Variants in ZDHHC11B observed in about 807,000 individuals in gnomAD.
ZDHHC11B encodes probable palmitoyltransferase ZDHHC11B.
In ZDHHC11B, 17 loss-of-function variants were observed where a neutral mutation model predicts 42.3. That is an observed-to-expected ratio of 0.40 (90% CI 0.27 to 0.60). ZDHHC11B has a LOEUF of 0.60. Among genes scored for constraint, ZDHHC11B ranks in the 20% least tolerant of loss-of-function variants. The pLI is 0.41. For missense variants in ZDHHC11B, 262 were observed against 463.2 expected (o/e 0.57, Z 3.99); for synonymous variants, 123 against 193.5 (o/e 0.64, Z 3.02).
At chr5:727,362 C>G (rs574874166) in intron 12 of ZDHHC11B, among the ~76,000 whole-genome samples, 1 of 146,498 alleles carries the variant, frequency 6.8e-6, no homozygotes, top group Non-Finnish European at 1.5e-5. Context: ...GCCAGGGAAA[C>G]GCTATCGGCC....
chr5:757,854 C>T (rs141900364), intron 4 of ZDHHC11B, among the ~76,000 whole-genome samples: 1 of 151,958 alleles, frequency 6.6e-6, no homozygotes, highest in African/African-American at 2.4e-5. Flanking sequence ...AGTGCAGCAA[C>T]GGGGCCAGCC....
rs937594012 is a variant in ZDHHC11B at position 769,706 on chromosome 5, C to T, written c.-229-776G>A. ...AACAAAGTGCCCCTGACGGGCTGGA[C>T]AGGCCTAGTGCGCGCCATCCTTCAA... On this transcript the variant is annotated intron_variant, in intron 1 of 13. Transcript: ENST00000508859. Among the ~76,000 whole-genome samples the T allele has an allele frequency of 1.3e-4, 19 of 151,982 alleles. 1 individual carries two copies. The highest frequency in any genetic ancestry group is 2.8e-4 in the Non-Finnish European group (19 of 67,942).
chr5:741,419 T>C (rs1202677819), intron 10 of ZDHHC11B, among the ~76,000 whole-genome samples, 175 bp downstream of exon 10: 1 of 146,448 alleles, frequency 6.8e-6, no homozygotes. Context: ...TCGAGATAGA[T>C]AATTTGGTAT....
rs537442727 is a variant in ZDHHC11B, at chr5:761,257, G to A, written c.223-5113C>T. ...GGGCATGTGCTAGAGCAGGGAGGTG[G>A]GCCGTGCAGCACAGGGTTAGTGACT... On this transcript the variant is annotated intron_variant, in intron 4 of 13. Transcript: ENST00000508859. Among the ~76,000 whole-genome samples, 543 of 151,912 alleles carry A rather than the reference G, an allele frequency of 3.6e-3. 3 individuals carry two copies. Among genetic ancestry groups the A allele is most frequent in the Middle Eastern group, 0.02 (6 of 294 alleles).
At position 748,379 on chromosome 5, in the gene ZDHHC11B, C is replaced by T. The variant is rs146590679; in HGVS notation, c.784+25G>A. 0.012 allele frequency: 15,097 copies of T among 1,259,964 alleles called. 1,511 individuals carry two copies. In the African/African-American group the frequency reaches 0.19, roughly 16 times the overall value. The allele number at this position is 1,259,964 out of a possible 1,614,324, so 78.0% of individuals were successfully genotyped here. A position where few individuals can be genotyped will look rare whatever the true frequency, so the allele number is the denominator to read the frequency against. On this transcript the variant is annotated intron_variant, in intron 8 of 13. Transcript: ENST00000508859. ...TCTGACCAACCAGGCTTGGGGGGAT[C>T]GGGGGCTTAGGGTGGGGGACATACT...
At chr5:777,093 G>A (rs1472704018) in intron 1 of ZDHHC11B, among the ~76,000 whole-genome samples, 1 of 151,942 alleles carries the variant, frequency 6.6e-6, no homozygotes, top group African/African-American at 2.4e-5. Context: ...GAGCCCCGCA[G>A]TGAGTGTCAC....
At chr5:745,904 G>T (rs773925483) in intron 8 of ZDHHC11B, among the ~76,000 whole-genome samples, 3 of 149,548 alleles carry the variant, frequency 2.0e-5, no homozygotes, top group Non-Finnish European at 4.4e-5. Context: ...AGGTGAACAC[G>T]AGTGCTGTGA....
chr5:753,662 G>T (rs1746091822), intron 6 of ZDHHC11B, among the ~76,000 whole-genome samples: 1 of 148,440 alleles, frequency 6.7e-6, no homozygotes, highest in South Asian at 2.3e-4. Flanking sequence ...CTCTTCTCCA[G>T]GGGAGGAGGC....
At chr5:730,723 A>G (rs1422116695) in intron 11 of ZDHHC11B, among the ~76,000 whole-genome samples, 1 of 151,672 alleles carries the variant, frequency 6.6e-6, no homozygotes, top group Non-Finnish European at 1.5e-5. Context: ...GAATGTGACT[A>G]TATGTGGAGA....
rs1228671174 is a variant in ZDHHC11B, at chr5:765,993, C to T, written c.222+705G>A. 2.2e-4 allele frequency among the ~76,000 whole-genome samples: 33 copies of T among 151,892 alleles called. 1 individual carries two copies. Among genetic ancestry groups the T allele is most frequent in the African/African-American group, 3.1e-4 (13 of 41,344 alleles). On this transcript the variant is annotated intron_variant, in intron 4 of 13. Coordinates refer to ENST00000508859, the MANE Select transcript of ZDHHC11B (RefSeq NM_001351303.2). ...ATATGGTTCCAGTGCCCCAAGGCAC[C>T]GAACGCAGGCCAACTGTTCCCCAGG...
intron 13 of ZDHHC11B, among the ~76,000 whole-genome samples, chr5:715,726 G>T (rs1486219118): frequency 1.3e-5 from 2 of 151,456 alleles, no homozygotes; most frequent in East Asian, 1.9e-4. Context: ...GGCTTTCAAG[G>T]TGATGTCTAT....
At chr5:777,199 T>C (rs1306466331) in intron 1 of ZDHHC11B, among the ~76,000 whole-genome samples, 1 of 151,880 alleles carries the variant, frequency 6.6e-6, no homozygotes, top group Non-Finnish European at 1.5e-5. Flanking sequence ...CTCGCTGACT[T>C]TAGGAGTGAA....
intron 1 of ZDHHC11B, among the ~76,000 whole-genome samples, chr5:775,425 G>C (rs544062991): frequency 6.6e-6 from 1 of 151,982 alleles, no homozygotes; most frequent in African/African-American, 2.4e-5. Context: ...CTGTCTCTGC[G>C]GAGAAAGACT....
Position 767,541 on chromosome 5 carries a change from A to G in ZDHHC11B, c.-133-17T>C, listed in dbSNP as rs1735625305. 2 of 480,450 alleles carry G rather than the reference A, an allele frequency of 4.2e-6. No homozygotes were observed. Among genetic ancestry groups the G allele is most frequent in the East Asian group, 2.1e-4 (2 of 9,688 alleles). The allele number at this position is 480,450 out of a possible 1,614,324, so 29.8% of individuals were successfully genotyped here. On this transcript the variant is annotated splice_polypyrimidine_tract_variant and intron_variant, in intron 2 of 13. Transcript: ENST00000508859. ...GAAAGGTGACTGGGAGGAAGAGGAG[A>G]AAGAGAGCATCACTGGACTCACTGG... is the stretch of plus-strand genomic sequence containing the variant.
Position 748,300 on chromosome 5 carries a change from T to C in ZDHHC11B, c.784+104A>G, listed in dbSNP as rs369300111. The C allele has an allele frequency of 6.8e-3, 5,724 of 838,282 alleles. 446 individuals carry two copies. The highest frequency in any genetic ancestry group is 0.017 in the East Asian group (446 of 25,574). The allele number at this position is 838,282 out of a possible 1,614,324, so 51.9% of individuals were successfully genotyped here. On this transcript the variant is annotated intron_variant, in intron 8 of 13. Transcript: ENST00000508859. The stretch of plus-strand genomic sequence containing the variant: ...GGGGGACAAAGACTCTGGCCCCAGG[T>C]GTGGGGGGCTCAGGGTTAGGGACAT...
chr5:721,565 G>A (rs1742189384), intron 12 of ZDHHC11B, among the ~76,000 whole-genome samples: 1 of 151,382 alleles, frequency 6.6e-6, no homozygotes, highest in African/African-American at 2.4e-5. Context: ...GAGCGAGGAT[G>A]GGGGTGGGAT....
At chr5:772,028 C>A (rs1157472060) in intron 1 of ZDHHC11B, among the ~76,000 whole-genome samples, 1 of 151,930 alleles carries the variant, frequency 6.6e-6, no homozygotes, top group Non-Finnish European at 1.5e-5. Flanking sequence ...GAGGGCTGAG[C>A]GGGACATAAA....
intron 4 of ZDHHC11B, among the ~76,000 whole-genome samples, chr5:760,343 G>A (rs1483569910): frequency 6.6e-6 from 1 of 151,690 alleles, no homozygotes; most frequent in African/African-American, 2.4e-5. Flanking sequence ...TCCAATGACT[G>A]GCATCTTTAC....
chr5:741,917 C>CTAGCAAAAAAT (rs199660061), intron 9 of ZDHHC11B, among the ~76,000 whole-genome samples: 3 of 86,916 alleles, frequency 3.5e-5, no homozygotes, highest in Admixed American at 1.5e-4. Flanking sequence ...TTAACTCCCA[C>CTAGCAAAAAAT]GCAGGAGACT....
Sources: allele counts gnomAD v4.1 joint callset (sites outside exome capture counted in the v4.1 genomes callset), GRCh38; gene constraint gnomAD v4.1.1; transcripts MANE v1.5; gene names NCBI Gene and HGNC (gene_info 2026-07-23, HGNC 2026-07-21).